Variants in STAU1 observed in about 807,000 individuals in gnomAD.
STAU1 encodes the protein staufen double-stranded RNA binding protein 1.
STAU1 carries 13 observed loss-of-function variants against 62.9 expected under a neutral mutation model. The ratio of observed to expected loss-of-function variants is 0.21; its 90% CI spans 0.13 to 0.33. The LOEUF (loss-of-function observed/expected upper bound fraction) is 0.33. STAU1 is among the 10% of genes least tolerant of loss of function. The pLI, the probability that STAU1 is intolerant of heterozygous loss-of-function variation, is 1.00. For synonymous variants in STAU1, 269 were observed against 265.1 expected, an observed-to-expected ratio of 1.01 and a Z score of -0.14; for missense variants, 571 against 712.1, an observed-to-expected ratio of 0.80 and a Z score of 2.25.
At position 49,123,238 on chromosome 20, in the gene STAU1, G is replaced by C; in HGVS notation, c.823-3C>G. On this transcript the variant is annotated splice_region_variant and splice_polypyrimidine_tract_variant and intron_variant, in intron 7 of 13. Coordinates refer to ENST00000371856, the MANE Select transcript of STAU1 (RefSeq NM_017453.4). ...CCATATTCTGGGCTTGTCTGTGGCT[G>C]AGGAACAAACAAGGCAGAAACTCTG... 1 of 1,614,168 alleles carries C rather than the reference G, an allele frequency of 6.2e-7. No individual in the cohort carries two copies. Among genetic ancestry groups the C allele is most frequent in the Admixed American group, 1.7e-5 (1 of 60,018 alleles).
At position 49,123,185 on chromosome 20, in the gene STAU1, C is replaced by A. The variant is rs1474237438; in HGVS notation, c.873G>T (p.Leu291=). 1 of 1,614,104 alleles carries A rather than the reference C, an allele frequency of 6.2e-7. No homozygotes were observed. Among genetic ancestry groups the A allele is most frequent in the East Asian group, 2.2e-5 (1 of 44,874 alleles). The change falls in exon 8 of 14, where the codon CTG becomes CTT. Residue 291 remains leucine (L), a synonymous_variant. Transcript: ENST00000371856. ...CCTTTTTTGCCTGCTGGATCTGGGCCAGTCGGCTAATCGGATTGATCCCCT... is the reference window on the plus strand; with the variant it reads ...CCTTTTTTGCCTGCTGGATCTGGGCAAGTCGGCTAATCGGATTGATCCCCT... ...YGQGINPISR[L]AQIQQAKKEK... is the part of the protein sequence containing the mutation.
chr20:49,142,485 C>A (rs2093031371), intron 5 of STAU1, among the ~76,000 whole-genome samples: 2 of 151,936 alleles, frequency 1.3e-5, no homozygotes, highest in Non-Finnish European at 2.9e-5. Context: ...TGATAGAAAA[C>A]AATGGGTCTA....
the STAU1 span, among the ~76,000 whole-genome samples, chr20:49,198,253 C>T: frequency 1.9e-3 from 286 of 152,184 alleles, no homozygotes; most frequent in African/African-American, 6.7e-3. Context: ...CGGTGGCTCA[C>T]GACTGTAATG....
chr20:49,123,183 G>A lies in STAU1; in HGVS notation c.875C>T (p.Ala292Val). Reference sequence around the variant, plus strand: ...CTCCTTTTTTGCCTGCTGGATCTGGGCCAGTCGGCTAATCGGATTGATCCC... The same window carrying A: ...CTCCTTTTTTGCCTGCTGGATCTGGACCAGTCGGCTAATCGGATTGATCCC... ...GQGINPISRL[A>V]QIQQAKKEKE... Residue 292 changes from alanine to valine, a missense_variant, in exon 8 of 14, where the codon GCC becomes GTC. This residue lies in a region of STAU1 where 414 missense variants were observed against 499.6 expected (regional missense o/e 0.83). Coordinates refer to ENST00000371856, the MANE Select transcript of STAU1 (RefSeq NM_017453.4). The A allele has an allele frequency of 6.2e-7, 1 of 1,614,146 alleles. No individual in the cohort carries two copies. The highest frequency in any genetic ancestry group is 1.1e-5 in the South Asian group (1 of 91,080).
intron 6 of STAU1, among the ~76,000 whole-genome samples, chr20:49,124,814 A>C (rs2092553722): frequency 6.6e-6 from 1 of 152,196 alleles, no homozygotes; most frequent in Non-Finnish European, 1.5e-5. Context: ...CAGGCATGAA[A>C]TAGGGAGACC....
At chr20:49,196,473 GAAGAAAAGA>G in the STAU1 span, among the ~76,000 whole-genome samples, 2 of 141,504 alleles carry the variant, frequency 1.4e-5, no homozygotes, top group African/African-American at 5.3e-5. Context: ...AGAAGAAGAA[GAAGAAAAGA>G]AAGAAAAGAA....
the STAU1 span, among the ~76,000 whole-genome samples, chr20:49,206,751 A>ATTTT: frequency 5.3e-5 from 5 of 95,036 alleles, no homozygotes; most frequent in Non-Finnish European, 1.1e-4. Context: ...ATATATATAT[A>ATTTT]TTTTATTTTA....
At chr20:49,133,570 A>G (rs1239924921) in intron 6 of STAU1, among the ~76,000 whole-genome samples, 1 of 152,190 alleles carries the variant, frequency 6.6e-6, no homozygotes, top group Non-Finnish European at 1.5e-5. Context: ...GTGAGCCCAA[A>G]CAGCCATTCT....
chr20:49,150,304 A>T (rs778499354), intron 5 of STAU1, among the ~76,000 whole-genome samples: 10 of 152,230 alleles, frequency 6.6e-5, no homozygotes, highest in Admixed American at 2.6e-4. Flanking sequence ...TTGTGAACGT[A>T]CTAAAATCCA....
intron 8 of STAU1, 115 bp downstream of exon 8, chr20:49,122,977 A>G: frequency 1.8e-6 from 2 of 1,088,856 alleles, no homozygotes; most frequent in Non-Finnish European, 2.5e-6. Context: ...CGCTGGCAGA[A>G]CATGGCCCAC....
chr20:49,117,004 T>C lies in STAU1; in HGVS notation c.1632+122A>G. The C allele has an allele frequency of 7.8e-7, 1 of 1,275,662 alleles. No individual in the cohort carries two copies. The highest frequency in any genetic ancestry group is 1.1e-6 in the Non-Finnish European group (1 of 915,970). The allele number at this position is 1,275,662 out of a possible 1,614,324, so 79.0% of individuals were successfully genotyped here. On this transcript the variant is annotated intron_variant, in intron 12 of 13. Transcript: ENST00000371856. The surrounding 1 kb of genome is among the most constrained non-coding windows in gnomAD (Gnocchi z 4.6). ...AATATGAACACTATCAAACGATTCATTGCTCTCAAGGTCTATGGGACAATC... is the reference window on the plus strand; with the variant it reads ...AATATGAACACTATCAAACGATTCACTGCTCTCAAGGTCTATGGGACAATC...
At chr20:49,206,944 C>T in the STAU1 span, among the ~76,000 whole-genome samples, 121 of 151,154 alleles carry the variant, frequency 8.0e-4, 1 homozygote, top group East Asian at 0.015. Context: ...TTAGTAGAGA[C>T]GGGGTTTCAC....
At chr20:49,163,834 A>G (rs2093486273) in intron 3 of STAU1, among the ~76,000 whole-genome samples, 1 of 151,828 alleles carries the variant, frequency 6.6e-6, no homozygotes. Context: ...GCACGATCAC[A>G]GTTCATTGCA....
chr20:49,142,644 T>C (rs1386399473), intron 5 of STAU1, among the ~76,000 whole-genome samples: 1 of 152,172 alleles, frequency 6.6e-6, no homozygotes, highest in Non-Finnish European at 1.5e-5. Flanking sequence ...GTTTTATTTA[T>C]AGTATTTGTT....
chr20:49,117,039 T>A lies in STAU1; in HGVS notation c.1632+87A>T, dbSNP rs2145815894. ...GGTCTATGGGACAATCTTTCTCCCA[T>A]CTTCCTCAGGCTAGTAACAAGCTGA... On this transcript the variant is annotated intron_variant, in intron 12 of 13. Transcript: ENST00000371856. This position sits in a 1 kb window ranked among gnomAD's most constrained non-coding sequence, Gnocchi z 4.6. 3 of 1,531,446 alleles carry A rather than the reference T, an allele frequency of 2.0e-6. No individual in the cohort carries two copies. In the East Asian group the frequency reaches 6.8e-5, roughly 35 times the overall value. The allele number at this position is 1,531,446 out of a possible 1,614,324, so 94.9% of individuals were successfully genotyped here.
At chr20:49,205,116 A>G in the STAU1 span, among the ~76,000 whole-genome samples, 2 of 152,162 alleles carry the variant, frequency 1.3e-5, no homozygotes, top group East Asian at 3.9e-4. Flanking sequence ...TTATTTCTCA[A>G]ATTTAATACC....
At chr20:49,136,382 C>T (rs2092883691) in intron 5 of STAU1, among the ~76,000 whole-genome samples, 1 of 152,196 alleles carries the variant, frequency 6.6e-6, no homozygotes, top group South Asian at 2.1e-4. Flanking sequence ...TGAATTTAAC[C>T]ACACACATAC....
At chr20:49,217,161 C>T in the STAU1 span, among the ~76,000 whole-genome samples, 2 of 151,998 alleles carry the variant, frequency 1.3e-5, no homozygotes, top group East Asian at 3.9e-4. Flanking sequence ...ACCCCCCACT[C>T]CCCGGCGCTG....
intron 2 of STAU1, among the ~76,000 whole-genome samples, chr20:49,173,607 G>C (rs976869560): frequency 6.6e-6 from 1 of 152,120 alleles, no homozygotes; most frequent in African/African-American, 2.4e-5. Flanking sequence ...CAGAGATATG[G>C]TACAGCAATG....
Sources: gnomAD v4.1 joint callset for allele counts (sites outside exome capture counted in the v4.1 genomes callset) on GRCh38, gnomAD v4.1.1 for gene constraint, gnomAD v4.1.1 regional missense constraint, Gnocchi (gnomAD v3.1) non-coding constraint, MANE v1.5 for transcripts, NCBI Gene and HGNC (gene_info 2026-07-23, HGNC 2026-07-21) for gene names.